VCP: variants seen among roughly 807,000 people sequenced by gnomAD.
VCP encodes the protein transitional endoplasmic reticulum ATPase.
Under a neutral mutation model 85.7 loss-of-function variants are expected in VCP, and 6 were observed. The ratio of observed to expected loss-of-function variants is 0.07; its 90% CI spans 0.04 to 0.14. VCP has a LOEUF of 0.14. Among genes scored for constraint, VCP ranks in the 10% least tolerant of loss-of-function variants. The pLI is 1.00. For missense variants in VCP, 353 were observed against 1,043.4 expected, an observed-to-expected ratio of 0.34 and a Z score of 9.12; for synonymous variants, 384 against 367.1, an observed-to-expected ratio of 1.05 and a Z score of -0.53.
rs151222857 is a variant in VCP, at chr9:35,067,983, G to A, written c.210C>T (p.Ile70=). 37 of 1,614,076 alleles carry A rather than the reference G, an allele frequency of 2.3e-5. No homozygotes were observed. The African/African-American group carries it at 3.6e-4, about 16-fold the overall frequency. Residue 70 remains isoleucine, a synonymous_variant, in exon 3 of 17, where the codon ATC becomes ATT. Coordinates refer to ENST00000358901, the MANE Select transcript of VCP (RefSeq NM_007126.5). ...KGKKRREAVC[I]VLSDDTCSDE... ...CAGAACAAGTATCATCAGAAAGGAC[G>A]ATGCAAACAGCTTCTCGTCTCTTCT... is the stretch of plus-strand genomic sequence containing the variant.
In VCP at chr9:35,072,568, T is replaced by TGGCAGTGGCAGC. The variant is rs1828983051; in HGVS notation, c.-216_-215insGCTGCCACTGCC. ...CTGATCCGCGAGGTGGCAGTGGCAG[T>TGGCAGTGGCAGC]GGCAGCGGCAGCGGCAGCGACGACT... On this transcript the variant is annotated 5_prime_UTR_variant, in exon 1 of 17. Coordinates refer to ENST00000358901, the MANE Select transcript of VCP (RefSeq NM_007126.5). 5.6e-6 allele frequency: 3 copies of TGGCAGTGGCAGC among 532,122 alleles called. No individual in the cohort carries two copies. Among genetic ancestry groups the TGGCAGTGGCAGC allele is most frequent in the Non-Finnish European group, 6.2e-6 (2 of 323,560 alleles). The allele number at this position is 532,122 out of a possible 1,614,324, so 33.0% of individuals were successfully genotyped here.
chr9:35,060,066 G>T (rs1411408343), intron 13 of VCP, among the ~76,000 whole-genome samples: 4 of 152,090 alleles, frequency 2.6e-5, no homozygotes, highest in African/African-American at 9.7e-5. Context: ...CAGGTTTCAA[G>T]GTTACAGTGA....
At position 35,072,378 on chromosome 9, in the gene VCP, G is replaced by C; in HGVS notation, c.-25C>G. On this transcript the variant is annotated 5_prime_UTR_variant, in exon 1 of 17. Coordinates refer to ENST00000358901, the MANE Select transcript of VCP (RefSeq NM_007126.5). ...TGGCGCGCGCCTCTCCCGGCCGGCGGCTGTGGCGGCCCGCGGGTAACGGCT... is the reference window on the plus strand; with the variant it reads ...TGGCGCGCGCCTCTCCCGGCCGGCGCCTGTGGCGGCCCGCGGGTAACGGCT... 6.8e-7 allele frequency: 1 copy of C among 1,474,450 alleles called. No individual in the cohort carries two copies. Among genetic ancestry groups the C allele is most frequent in the Non-Finnish European group, 8.9e-7 (1 of 1,119,290 alleles). 91.3% of individuals were successfully genotyped at this position (1,474,450 alleles called of 1,614,324 possible). A position where few individuals can be genotyped will look rare whatever the true frequency, so the allele number is the denominator to read the frequency against.
chr9:35,059,341 C>G lies in VCP; in HGVS notation c.2005-122G>C, dbSNP rs927270640. On this transcript the variant is annotated intron_variant, in intron 14 of 16. Transcript: ENST00000358901. This position sits in a 1 kb window ranked among gnomAD's most constrained non-coding sequence, Gnocchi z 4.9. The stretch of plus-strand genomic sequence containing the variant: ...CTTCTTTGGCCACCCCATTTTATTC[C>G]TGATTCTAGATTATCTTGATATCCT... 2.0e-6 allele frequency: 3 copies of G among 1,537,736 alleles called. No individual in the cohort carries two copies. The African/African-American group carries it at 4.1e-5, about 21-fold the overall frequency.
chr9:35,059,685 G>A lies in VCP; in HGVS notation c.1812C>T (p.Ile604=). The part of the protein sequence containing the change: ...GGAADRVINQ[I]LTEMDGMSTK... ...TGGACATGCCATCCATTTCTGTCAG[G>A]ATCTGGTTGATGACTCGGTCAGCAG... The change falls in exon 14 of 17, where the codon ATC becomes ATT. Residue 604 remains isoleucine (I), a synonymous_variant. Transcript: ENST00000358901. This position sits in a 1 kb window ranked among gnomAD's most constrained non-coding sequence, Gnocchi z 4.9. 1.2e-6 allele frequency: 2 copies of A among 1,614,076 alleles called. No individual in the cohort carries two copies. The highest frequency in any genetic ancestry group is 2.2e-5 in the South Asian group (2 of 91,064).
chr9:35,059,277 T>C lies in VCP; in HGVS notation c.2005-58A>G. On this transcript the variant is annotated intron_variant, in intron 14 of 16. Coordinates refer to ENST00000358901, the MANE Select transcript of VCP (RefSeq NM_007126.5). The surrounding 1 kb of genome is among the most constrained non-coding windows in gnomAD (Gnocchi z 4.9). ...AGCCTCTCCTCTCGAGATACGCAGA[T>C]CTTTGGGCTACCCGAGCACTCCCAA... is the stretch of plus-strand genomic sequence containing the variant. The C allele has an allele frequency of 1.2e-6, 2 of 1,609,302 alleles. No homozygotes were observed.
intron 15 of VCP, among the ~76,000 whole-genome samples, chr9:35,058,532 G>A (rs1828655355): frequency 1.3e-5 from 2 of 152,154 alleles, no homozygotes; most frequent in Admixed American, 1.3e-4. Context: ...GGAGGCCGAG[G>A]TGGGCACATC....
In VCP at chr9:35,060,615, G is replaced by C. The variant is rs1828702616; in HGVS notation, c.1483-90C>G. 4 of 1,521,868 alleles carry C rather than the reference G, an allele frequency of 2.6e-6. No individual in the cohort carries two copies. In the South Asian group the frequency reaches 4.5e-5, roughly 17 times the overall value. 94.3% of individuals were successfully genotyped at this position (1,521,868 alleles called of 1,614,324 possible). A position where few individuals can be genotyped will look rare whatever the true frequency, so the allele number is the denominator to read the frequency against. On this transcript the variant is annotated intron_variant, in intron 12 of 16. Transcript: ENST00000358901. Reference sequence around the variant, plus strand: ...GAAGCATCCCCTCCATTATTTCATGGTGTACCCAATGGTATCAGATCCAGG... The same window carrying C: ...GAAGCATCCCCTCCATTATTTCATGCTGTACCCAATGGTATCAGATCCAGG...
Position 35,072,327 on chromosome 9 carries a change from G to T in VCP, c.17+10C>A, listed in dbSNP as rs1828974473. The T allele has an allele frequency of 6.7e-7, 1 of 1,485,962 alleles. No homozygotes were observed. Among genetic ancestry groups the T allele is most frequent in the Non-Finnish European group, 8.9e-7 (1 of 1,126,110 alleles). The allele number at this position is 1,485,962 out of a possible 1,614,324, so 92.0% of individuals were successfully genotyped here. A position where few individuals can be genotyped will look rare whatever the true frequency, so the allele number is the denominator to read the frequency against. On this transcript the variant is annotated intron_variant, in intron 1 of 16. Coordinates refer to ENST00000358901, the MANE Select transcript of VCP (RefSeq NM_007126.5). ...CCGCCGCAGCAAGCGAACGGCGCGC[G>T]CACACTCACTCGGCTCCAGAAGCCA...
intron 1 of VCP, among the ~76,000 whole-genome samples, chr9:35,069,069 T>C (rs1828888408): frequency 6.6e-6 from 1 of 152,154 alleles, no homozygotes; most frequent in Non-Finnish European, 1.5e-5. Context: ...TCATTGGTGC[T>C]ACCCTCCTTA....
intron 1 of VCP, among the ~76,000 whole-genome samples, chr9:35,069,021 A>C (rs1828887873): frequency 6.6e-6 from 1 of 152,126 alleles, no homozygotes; most frequent in Non-Finnish European, 1.5e-5. Flanking sequence ...GGGAGGCCTT[A>C]AGTTCTACCA....
rs113230475 is a variant in VCP, at chr9:35,059,927, A to G, written c.1696-126T>C. ...GTGGGAGGATCACTTGAGGCCAGAA[A>G]TCCGAAACCAGCATGGGCAACATAC... On this transcript the variant is annotated intron_variant, in intron 13 of 16. Coordinates refer to ENST00000358901, the MANE Select transcript of VCP (RefSeq NM_007126.5). This position sits in a 1 kb window ranked among gnomAD's most constrained non-coding sequence, Gnocchi z 4.9. The G allele has an allele frequency of 4.0e-4, 495 of 1,229,336 alleles. 1 individual carries two copies. In the African/African-American group the frequency reaches 6.6e-3, roughly 16 times the overall value. 76.2% of individuals were successfully genotyped at this position (1,229,336 alleles called of 1,614,324 possible).
rs999334843 is a variant in VCP, at chr9:35,066,896, G to C, written c.303-79C>G. On this transcript the variant is annotated intron_variant, in intron 3 of 16. Transcript: ENST00000358901. ...TGGGTGTCCAAAAGGGCCTGGCACA[G>C]ATAGCTGATAGTAAGTGAAAAAGAA... The C allele has an allele frequency of 3.1e-6, 5 of 1,605,078 alleles. No individual in the cohort carries two copies. The African/African-American group carries it at 6.7e-5, about 21-fold the overall frequency.
At chr9:35,071,002 G>T (rs957409639) in intron 1 of VCP, among the ~76,000 whole-genome samples, 2 of 152,110 alleles carry the variant, frequency 1.3e-5, no homozygotes, top group African/African-American at 4.8e-5. Context: ...ACTGCACAGG[G>T]GACTCCACGG....
chr9:35,066,922 A>G (rs1437769289), intron 3 of VCP, 105 bp from the exon 4 acceptor site: 3 of 1,576,752 alleles, frequency 1.9e-6, no homozygotes, highest in Non-Finnish European at 2.6e-6. Flanking sequence ...TGAAAAAGAA[A>G]AGGCAGGATG....
rs1828984145 is a variant in VCP at position 35,072,590 on chromosome 9, G to C, written c.-237C>G. The C allele has an allele frequency of 4.1e-6, 2 of 485,980 alleles. No individual in the cohort carries two copies. The highest frequency in any genetic ancestry group is 3.3e-5 in the South Asian group (1 of 30,738). 30.1% of individuals were successfully genotyped at this position (485,980 alleles called of 1,614,324 possible). A position where few individuals can be genotyped will look rare whatever the true frequency, so the allele number is the denominator to read the frequency against. On this transcript the variant is annotated 5_prime_UTR_variant, in exon 1 of 17. Coordinates refer to ENST00000358901, the MANE Select transcript of VCP (RefSeq NM_007126.5). ...CAGTGGCAGCGGCAGCGGCAGCGAC[G>C]ACTCAAACGACGGTCGCAGACGCTT...
At chr9:35,069,062 T>C (rs571715504) in intron 1 of VCP, among the ~76,000 whole-genome samples, 15 of 152,280 alleles carry the variant, frequency 9.9e-5, no homozygotes, top group African/African-American at 3.4e-4. Context: ...AGCAGAATCA[T>C]TGGTGCTACC....
chr9:35,068,429 T>C (rs1174431988), intron 1 of VCP, 67 bp from the exon 2 acceptor site: 4 of 1,371,860 alleles, frequency 2.9e-6, no homozygotes, highest in Admixed American at 1.7e-5. Context: ...CTAAAACTCA[T>C]ACTTAGGAAA....
Position 35,061,146 on chromosome 9 carries a change from C to A in VCP, c.1228G>T (p.Asp410Tyr). The A allele has an allele frequency of 6.2e-7, 1 of 1,613,864 alleles. No homozygotes were observed. Among genetic ancestry groups the A allele is most frequent in the South Asian group, 1.1e-5 (1 of 91,064 alleles). The change falls in exon 11 of 17, where the codon GAC becomes TAC. Residue 410 changes from aspartate to tyrosine, a missense_variant. Asp to Tyr is a radical substitution (Grantham distance 160, BLOSUM62 -3). Coordinates refer to ENST00000358901, the MANE Select transcript of VCP (RefSeq NM_007126.5). ...ANETHGHVGA[D>Y]LAALCSEAAL... ...GCCTCTGAGCACAGGGCTGCTAAGT[C>A]AGCACCCACATGCCCGTGAGTCTCA...
Sources: gnomAD v4.1 joint callset for allele counts (sites outside exome capture counted in the v4.1 genomes callset) on GRCh38, gnomAD v4.1.1 for gene constraint, Gnocchi (gnomAD v3.1) non-coding constraint, MANE v1.5 for transcripts, NCBI Gene and HGNC (gene_info 2026-07-23, HGNC 2026-07-21) for gene names.